Variants in RARA observed in about 807,000 individuals in gnomAD.
RARA encodes the protein PML-DDX5-RARA fusion.
In RARA, 5 loss-of-function variants were observed where a neutral mutation model predicts 42.8. That is an observed-to-expected ratio of 0.12 (90% CI 0.06 to 0.25). The LOEUF (loss-of-function observed/expected upper bound fraction) is 0.25, where lower values mean the gene tolerates loss of function less well. Ranked by LOEUF, RARA falls within the 10% of genes least tolerant of loss-of-function variation. RARA has a pLI of 1.00. For missense variants in RARA, 402 were observed against 628.7 expected (o/e 0.64, Z 3.86); for synonymous variants, 256 against 259.5 (o/e 0.99, Z 0.13).
intron 3 of RARA, chr17:40,349,507 G>A (rs2034375411): frequency 2.6e-6 from 1 of 389,410 alleles, no homozygotes; most frequent in Non-Finnish European, 4.7e-6. Context: ...GCAGCCCTGA[G>A]GTCTTTTCCC....
At position 40,356,224 on chromosome 17, in the gene RARA, T is replaced by G. The variant is rs1233885208; in HGVS notation, c.1387T>G (p.Ter463GlyextTer24). ...AAGCAGCCCGGCCACCCACTCCCCG[T>G]GACCGCCCACGCCACATGGACACAG... ...NRSSPATHSP[*>G] is the part of the protein sequence containing the mutation. Residue 463 changes from the stop codon to glycine (G), a stop_lost, in exon 9 of 9, where the codon TGA (stop) becomes GGA (glycine). Coordinates refer to ENST00000254066, the MANE Select transcript of RARA (RefSeq NM_000964.4). The G allele has an allele frequency of 1.3e-6, 2 of 1,549,790 alleles. No individual in the cohort carries two copies. Among genetic ancestry groups the G allele is most frequent in the South Asian group, 1.2e-5 (1 of 84,056 alleles).
intron 2 of RARA, among the ~76,000 whole-genome samples, chr17:40,339,506 G>T (rs2033961184): frequency 6.6e-6 from 1 of 152,114 alleles, no homozygotes. Flanking sequence ...ACTGTGTTCT[G>T]CTCTGACCTG....
intron 2 of RARA, chr17:40,342,921 G>A: frequency 1.3e-6 from 2 of 1,562,872 alleles, no homozygotes; most frequent in Non-Finnish European, 1.7e-6. Flanking sequence ...GGGCGGTAGG[G>A]CTTCCACTAC....
In RARA at chr17:40,355,574, G is replaced by T. The variant is rs966444773; in HGVS notation, c.1171+153G>T. Among the ~76,000 whole-genome samples, 15 of 152,216 alleles carry T rather than the reference G, an allele frequency of 9.9e-5. No homozygotes were observed. The highest frequency in any genetic ancestry group is 7.9e-4 in the Admixed American group (12 of 15,286). The stretch of plus-strand genomic sequence containing the variant: ...GGTCCCCTAGTGACTCCACTTTGCC[G>T]AGGTGGCCCGCCTGTGTCACCTTTG... On this transcript the variant is annotated intron_variant, in intron 8 of 8. Transcript: ENST00000254066. This position sits in a 1 kb window ranked among gnomAD's most constrained non-coding sequence, Gnocchi z 4.1.
At chr17:40,313,368 G>A (rs1292180146) in intron 1 of RARA, among the ~76,000 whole-genome samples, 1 of 152,198 alleles carries the variant, frequency 6.6e-6, no homozygotes, top group Non-Finnish European at 1.5e-5. Flanking sequence ...AGGCCTGGAG[G>A]CAGGGAAAGT....
intron 3 of RARA, chr17:40,348,750 A>G (rs928377319): frequency 9.2e-5 from 26 of 281,524 alleles, no homozygotes; most frequent in Non-Finnish European, 1.7e-4. Flanking sequence ...ACCGCTGCCC[A>G]GGTTGCCATG....
chr17:40,325,296 T>TAAAA lies in RARA; in HGVS notation c.-362-5559_-362-5556dup, dbSNP rs71355451. Among the ~76,000 whole-genome samples the TAAAA allele has an allele frequency of 4.2e-3, 625 of 149,292 alleles. 2 individuals are homozygous for TAAAA. Among genetic ancestry groups the TAAAA allele is most frequent in the Non-Finnish European group, 5.2e-3 (350 of 67,088 alleles). ...ATAAATAAATAAATAAATAAATAAA[T>TAAAA]AAAAAGAGGCTGGGCTAACCTGGCT... On this transcript the variant is annotated intron_variant, in intron 1 of 8. Transcript: ENST00000254066.
chr17:40,313,474 CCCA>C (rs2033133669), intron 1 of RARA, among the ~76,000 whole-genome samples: 1 of 152,148 alleles, frequency 6.6e-6, no homozygotes, highest in African/African-American at 2.4e-5. Flanking sequence ...TCAGGCTCTC[CCCA>C]CAGGCCACCA....
At chr17:40,342,814 C>T (rs1293435593) in intron 2 of RARA, 3 of 1,613,076 alleles carry the variant, frequency 1.9e-6, no homozygotes, top group Non-Finnish European at 2.5e-6. Flanking sequence ...CTCCCCGCCC[C>T]GGGTCCGTAC....
chr17:40,349,351 C>T (rs2034370780), intron 3 of RARA: 1 of 187,856 alleles, frequency 5.3e-6, no homozygotes, highest in Admixed American at 5.6e-5. Context: ...GTGTGTTCGC[C>T]TCCATTTCTC....
intron 1 of RARA, among the ~76,000 whole-genome samples, chr17:40,311,027 C>G (rs956511227): frequency 1.3e-5 from 2 of 152,104 alleles, no homozygotes; most frequent in African/African-American, 4.8e-5. Flanking sequence ...GAGTACAGAT[C>G]TCTCCACCAG....
chr17:40,338,944 G>A (rs2033941243), intron 2 of RARA, among the ~76,000 whole-genome samples: 1 of 152,158 alleles, frequency 6.6e-6, no homozygotes, highest in Non-Finnish European at 1.5e-5. Flanking sequence ...CTTGAATCCG[G>A]GAGGTGGAGG....
At chr17:40,341,905 T>G in intron 2 of RARA, 1 of 1,082,776 alleles carries the variant, frequency 9.2e-7, no homozygotes, top group South Asian at 3.9e-5. Context: ...GTACTCGGCG[T>G]CCCTCTGTAC....
chr17:40,338,492 T>A (rs1313508407), intron 2 of RARA, among the ~76,000 whole-genome samples: 1 of 152,158 alleles, frequency 6.6e-6, no homozygotes, highest in African/African-American at 2.4e-5. Context: ...CAGTTCTTCC[T>A]GTGTGGCCTT....
chr17:40,353,682 C>G (rs370609409), intron 6 of RARA, among the ~76,000 whole-genome samples: 16 of 152,332 alleles, frequency 1.1e-4, no homozygotes, highest in African/African-American at 3.8e-4. Flanking sequence ...TCTCGAACTC[C>G]TGACCTCAGG....
chr17:40,314,185 T>TGGGGGGGGGGGGGGGGGG (rs1567742474), intron 1 of RARA, among the ~76,000 whole-genome samples: 2 of 27,880 alleles, frequency 7.2e-5, no homozygotes, highest in Admixed American at 4.3e-4. Context: ...GGTGGAGGGG[T>TGGGGGGGGGGGGGGGGGG]GGGGTGGGGG....
Position 40,352,300 on chromosome 17 carries a change from A to G in RARA, c.631-31A>G. ...CAGGCTGAGAAGGGGTGCCATGGAG[A>G]AGAAGGCCCTCACTCTCCCTCCTCC... is the stretch of plus-strand genomic sequence containing the variant. On this transcript the variant is annotated intron_variant, in intron 5 of 8. Coordinates refer to ENST00000254066, the MANE Select transcript of RARA (RefSeq NM_000964.4). This position sits in a 1 kb window ranked among gnomAD's most constrained non-coding sequence, Gnocchi z 4.9. 2 of 1,566,894 alleles carry G rather than the reference A, an allele frequency of 1.3e-6. No individual in the cohort carries two copies. The highest frequency in any genetic ancestry group is 1.7e-6 in the Non-Finnish European group (2 of 1,152,640).
At position 40,354,048 on chromosome 17, in the gene RARA, A is replaced by G. The variant is rs933981042; in HGVS notation, c.808-254A>G. Among the ~76,000 whole-genome samples the G allele has an allele frequency of 1.3e-5, 2 of 152,210 alleles. No individual in the cohort carries two copies. The highest frequency in any genetic ancestry group is 4.8e-5 in the African/African-American group (2 of 41,448). On this transcript the variant is annotated intron_variant, in intron 6 of 8. Coordinates refer to ENST00000254066, the MANE Select transcript of RARA (RefSeq NM_000964.4). This position sits in a 1 kb window ranked among gnomAD's most constrained non-coding sequence, Gnocchi z 4.5. Reference sequence around the variant, plus strand: ...GTGACTCTTTAAATTTAAATTAATTAAAATTAAACTCAATTCAGTTCCTCA... The same window carrying G: ...GTGACTCTTTAAATTTAAATTAATTGAAATTAAACTCAATTCAGTTCCTCA...
chr17:40,327,052 AGGCTCTGATAGG>A (rs1179948861), intron 1 of RARA, among the ~76,000 whole-genome samples: 2 of 150,150 alleles, frequency 1.3e-5, no homozygotes, highest in Non-Finnish European at 3.0e-5. Context: ...GGCTTTTTGG[AGGCTCTGATAGG>A]GGTCTGGGGA....
Sources: gnomAD v4.1 joint callset for allele counts (sites outside exome capture counted in the v4.1 genomes callset) on GRCh38, gnomAD v4.1.1 for gene constraint, Gnocchi (gnomAD v3.1) non-coding constraint, MANE v1.5 for transcripts, NCBI Gene and HGNC (gene_info 2026-07-23, HGNC 2026-07-21) for gene names.